Variants in MAML3 observed in about 807,000 individuals in gnomAD.
The protein encoded by MAML3 is mastermind like transcriptional coactivator 3.
Under a neutral mutation model 101.9 loss-of-function variants are expected in MAML3, and 27 were observed. That is an observed-to-expected ratio of 0.27 (90% CI 0.20 to 0.37). MAML3 has a LOEUF of 0.37. Among genes scored for constraint, MAML3 ranks in the 10% least tolerant of loss-of-function variants. The probability of loss-of-function intolerance (pLI) is 1.00; values close to 1 mark genes in which losing one functional copy is unlikely to be tolerated. For synonymous variants in MAML3, 501 were observed against 555.9 expected, an observed-to-expected ratio of 0.90 and a Z score of 1.39; for missense variants, 1,316 against 1,444.9, an observed-to-expected ratio of 0.91 and a Z score of 1.45.
At chr4:139,930,441 C>G (rs1278377746) in intron 1 of MAML3, among the ~76,000 whole-genome samples, 1 of 152,212 alleles carries the variant, frequency 6.6e-6, no homozygotes, top group East Asian at 1.9e-4. Context: ...CATCAGGGAA[C>G]TCAGCAGCTT....
intron 1 of MAML3, among the ~76,000 whole-genome samples, chr4:140,149,033 G>A (rs1036434426): frequency 1.3e-5 from 2 of 152,132 alleles, no homozygotes; most frequent in Admixed American, 1.3e-4. Context: ...TTTTTGATGT[G>A]CCTGCTCAGC....
At chr4:140,072,994 C>T (rs1413330088) in intron 1 of MAML3, among the ~76,000 whole-genome samples, 1 of 152,068 alleles carries the variant, frequency 6.6e-6, no homozygotes, top group East Asian at 1.9e-4. Context: ...AAATTTAAGT[C>T]GCCTCTCAAC....
chr4:139,731,566 G>A (rs113211102), intron 2 of MAML3: 18,506 of 152,520 alleles, frequency 0.12, 1,312 homozygotes, highest in Non-Finnish European at 0.16. Flanking sequence ...GCAGTGAGCC[G>A]AGGTCGCGCC....
Position 139,890,248 on chromosome 4 carries a change from A to G in MAML3, c.1188T>C (p.Ser396=), listed in dbSNP as rs1483617553. Residue 396 remains serine, a synonymous_variant, in exon 2 of 5, where the codon TCT becomes TCC. Transcript: ENST00000509479. The surrounding 1 kb of genome is among the most constrained non-coding windows in gnomAD (Gnocchi z 4.1). ...STVSTATSLP[S]VASTPAAPNP... ...TTGGAGCTGCGGGAGTGCTGGCAAC[A>G]GAAGGTAAACTAGTGGCCGTGGAGA... is the stretch of plus-strand genomic sequence containing the variant. The G allele has an allele frequency of 6.2e-7, 1 of 1,613,848 alleles. No individual in the cohort carries two copies. The highest frequency in any genetic ancestry group is 1.1e-5 in the South Asian group (1 of 91,078).
At chr4:140,150,397 A>G (rs1232749306) in intron 1 of MAML3, among the ~76,000 whole-genome samples, 1 of 152,160 alleles carries the variant, frequency 6.6e-6, no homozygotes, top group Non-Finnish European at 1.5e-5. Context: ...TCCCTCCACC[A>G]GGGCGGAAAC....
At chr4:140,071,918 T>C (rs1449973155) in intron 1 of MAML3, among the ~76,000 whole-genome samples, 3 of 152,130 alleles carry the variant, frequency 2.0e-5, no homozygotes, top group Admixed American at 1.3e-4. Context: ...AAGAATGTCC[T>C]AGAATGTAAT....
At chr4:139,999,463 G>A (rs1734880914) in intron 1 of MAML3, among the ~76,000 whole-genome samples, 2 of 152,210 alleles carry the variant, frequency 1.3e-5, no homozygotes, top group Admixed American at 1.3e-4. Flanking sequence ...AGTTTTTCTA[G>A]TATAAATGCT....
intron 1 of MAML3, among the ~76,000 whole-genome samples, chr4:139,954,440 T>C (rs898468758): frequency 6.6e-6 from 1 of 152,240 alleles, no homozygotes; most frequent in Non-Finnish European, 1.5e-5. Flanking sequence ...TCAGAATTTC[T>C]GCTGTGTTGC....
chr4:140,109,894 G>A (rs1029422774), intron 1 of MAML3, among the ~76,000 whole-genome samples: 10 of 152,216 alleles, frequency 6.6e-5, no homozygotes, highest in African/African-American at 2.4e-4. Flanking sequence ...AAGCCACTGA[G>A]TCTAATGGAA....
At chr4:140,022,383 G>A (rs1489509997) in intron 1 of MAML3, among the ~76,000 whole-genome samples, 1 of 152,140 alleles carries the variant, frequency 6.6e-6, no homozygotes, top group East Asian at 1.9e-4. Flanking sequence ...TTGGGGTAAA[G>A]TTAAAGTAAG....
intron 1 of MAML3, among the ~76,000 whole-genome samples, chr4:139,935,120 C>T (rs1001499377): frequency 3.9e-5 from 6 of 152,012 alleles, no homozygotes; most frequent in Non-Finnish European, 7.4e-5. Context: ...GCCTATCACC[C>T]CCCTTCCTCA....
rs574861562 is a variant in MAML3, at chr4:140,131,262, G to A, written c.468+21598C>T. On this transcript the variant is annotated intron_variant, in intron 1 of 4. Coordinates refer to ENST00000509479, the MANE Select transcript of MAML3 (RefSeq NM_018717.5). ...AAATTTGAAATCTGTTCCTTCCACT[G>A]TAACGTGCCCTTAAAAGTCAACTGA... Among the ~76,000 whole-genome samples the A allele has an allele frequency of 3.9e-5, 6 of 152,292 alleles. No individual in the cohort carries two copies. In the South Asian group the frequency reaches 1.2e-3, roughly 32 times the overall value.
rs906778528 is a variant in MAML3, at chr4:139,735,057, T to TCCCGCCCGCCCCTCCGCGGCC, written c.2080-4411_2080-4391dup. Among the ~76,000 whole-genome samples, 1 of 152,112 alleles carries TCCCGCCCGCCCCTCCGCGGCC rather than the reference T, an allele frequency of 6.6e-6. No individual in the cohort carries two copies. The highest frequency in any genetic ancestry group is 2.4e-5 in the African/African-American group (1 of 41,448). On this transcript the variant is annotated intron_variant, in intron 2 of 4. Coordinates refer to ENST00000509479, the MANE Select transcript of MAML3 (RefSeq NM_018717.5). The surrounding 1 kb of genome is among the most constrained non-coding windows in gnomAD (Gnocchi z 5.8). ...CCCTCGCAGATGGCTTAATCAGGGC[T>TCCCGCCCGCCCCTCCGCGGCC]CCCGCCCGCCCCTCCGCGGCCCCCG...
At chr4:139,867,700 A>G (rs759719492) in intron 2 of MAML3, among the ~76,000 whole-genome samples, 7 of 152,256 alleles carry the variant, frequency 4.6e-5, no homozygotes, top group Admixed American at 1.3e-4. Context: ...AATGATGACA[A>G]TGAAAATAAT....
intron 1 of MAML3, among the ~76,000 whole-genome samples, chr4:139,967,139 C>CT (rs1028069294): frequency 3.2e-4 from 48 of 152,090 alleles, no homozygotes; most frequent in African/African-American, 8.7e-4. Flanking sequence ...AAGAGAGGCT[C>CT]TTTTTTTCTC....
Position 140,121,511 on chromosome 4 carries a change from G to A in MAML3, c.468+31349C>T, listed in dbSNP as rs185356915. Among the ~76,000 whole-genome samples, 254 of 152,332 alleles carry A rather than the reference G, an allele frequency of 1.7e-3. 1 individual carries two copies. Among genetic ancestry groups the A allele is most frequent in the Middle Eastern group, 6.8e-3 (2 of 294 alleles). On this transcript the variant is annotated intron_variant, in intron 1 of 4. Coordinates refer to ENST00000509479, the MANE Select transcript of MAML3 (RefSeq NM_018717.5). ...GGAAAAAGAGGTGTTAGGCTGTGTA[G>A]ACTCAAAGTAGAGAGAAAGCCTTCA...
At chr4:139,753,833 C>T (rs747302450) in intron 2 of MAML3, among the ~76,000 whole-genome samples, 1 of 152,040 alleles carries the variant, frequency 6.6e-6, no homozygotes, top group African/African-American at 2.4e-5. Flanking sequence ...CCAAGACGCA[C>T]GGGTATGGCT....
At chr4:139,961,154 T>G (rs1734007205) in intron 1 of MAML3, among the ~76,000 whole-genome samples, 1 of 152,174 alleles carries the variant, frequency 6.6e-6, no homozygotes. Flanking sequence ...GGAAACAACA[T>G]GGGGGCTCTA....
At chr4:140,141,152 A>G (rs1728973614) in intron 1 of MAML3, among the ~76,000 whole-genome samples, 1 of 152,144 alleles carries the variant, frequency 6.6e-6, no homozygotes, top group Non-Finnish European at 1.5e-5. Flanking sequence ...TATAGACGAT[A>G]ATTATTATTA....
Sources: allele counts gnomAD v4.1 joint callset (sites outside exome capture counted in the v4.1 genomes callset), GRCh38; gene constraint gnomAD v4.1.1; non-coding constraint Gnocchi (gnomAD v3.1); transcripts MANE v1.5; gene names NCBI Gene and HGNC (gene_info 2026-07-23, HGNC 2026-07-21).